Variants in OTOGL observed in about 807,000 individuals in gnomAD.
OTOGL encodes otogelin-like protein.
Under a neutral mutation model 318.5 loss-of-function variants are expected in OTOGL, and 285 were observed. That is an observed-to-expected ratio of 0.89 (90% CI 0.81 to 0.99). The LOEUF is 0.99. Among genes scored for constraint, OTOGL ranks in the 50% least tolerant of loss-of-function variants. The pLI, the probability that OTOGL is intolerant of heterozygous loss-of-function variation, is 0.00. For missense variants in OTOGL, 2,899 were observed against 2,845.6 expected (o/e 1.02, Z -0.43); for synonymous variants, 987 against 936.5 (o/e 1.05, Z -0.99).
chr12:80,289,309 T>G (rs1884865080), intron 26 of OTOGL, among the ~76,000 whole-genome samples: 1 of 152,096 alleles, frequency 6.6e-6, no homozygotes, highest in Non-Finnish European at 1.5e-5. Context: ...CAGCCAGAGC[T>G]CTCCTGTATG....
intron 42 of OTOGL, among the ~76,000 whole-genome samples, chr12:80,337,671 T>C (rs1888500208): frequency 6.6e-6 from 1 of 150,834 alleles, no homozygotes; most frequent in Non-Finnish European, 1.5e-5. Flanking sequence ...TTATTCTCTG[T>C]AAAATATGAA....
At chr12:80,232,765 T>TTTGGA (rs1431429111) in intron 8 of OTOGL, 127 bp from the exon 9 acceptor site, 69 of 875,026 alleles carry the variant, frequency 7.9e-5, no homozygotes, top group Non-Finnish European at 1.0e-4. Context: ...GAGCTCTTGC[T>TTTGGA]GCACAGCTTA....
At chr12:80,351,436 C>T (rs1889543874) in intron 44 of OTOGL, among the ~76,000 whole-genome samples, 1 of 152,094 alleles carries the variant, frequency 6.6e-6, no homozygotes, top group Non-Finnish European at 1.5e-5. Context: ...CTGCCTCAGC[C>T]TCTGGAGTAG....
chr12:80,267,026 ACAC>A (rs991912247), intron 21 of OTOGL, among the ~76,000 whole-genome samples: 3 of 152,178 alleles, frequency 2.0e-5, no homozygotes, highest in Admixed American at 1.3e-4. Flanking sequence ...GACTAAAACA[ACAC>A]AGTTTGTGAG....
intron 1 of OTOGL, among the ~76,000 whole-genome samples, chr12:80,118,656 G>A (rs538243050): frequency 5.9e-5 from 9 of 152,062 alleles, no homozygotes; most frequent in Non-Finnish European, 1.2e-4. Context: ...GCTTTATTTG[G>A]GTGGAGTTTT....
At chr12:80,291,124 G>T (rs540358661) in intron 26 of OTOGL, among the ~76,000 whole-genome samples, 2 of 152,194 alleles carry the variant, frequency 1.3e-5, no homozygotes, top group Non-Finnish European at 2.9e-5. Context: ...CTGAGTCCTG[G>T]CAAGAGGAAA....
At chr12:80,339,418 G>A (rs1485694545) in intron 43 of OTOGL, among the ~76,000 whole-genome samples, 154 bp downstream of exon 43, 2 of 144,740 alleles carry the variant, frequency 1.4e-5, no homozygotes, top group Non-Finnish European at 3.0e-5. Flanking sequence ...ACGGAAGGAA[G>A]CAATGATTTT....
intron 46 of OTOGL, among the ~76,000 whole-genome samples, chr12:80,353,985 T>C (rs537367527): frequency 3.2e-4 from 48 of 152,190 alleles, no homozygotes; most frequent in Non-Finnish European, 6.5e-4. Context: ...TACTATTATC[T>C]GGGTACTATG....
At chr12:80,150,501 G>A (rs1872720217) in intron 1 of OTOGL, among the ~76,000 whole-genome samples, 1 of 152,234 alleles carries the variant, frequency 6.6e-6, no homozygotes, top group African/African-American at 2.4e-5. Flanking sequence ...TCTAGGCAGT[G>A]AGCGATGGAC....
At chr12:80,308,677 A>G (rs1886408027) in intron 29 of OTOGL, among the ~76,000 whole-genome samples, 1 of 152,208 alleles carries the variant, frequency 6.6e-6, no homozygotes, top group African/African-American at 2.4e-5. Flanking sequence ...CCTGGGCACC[A>G]TTGAGCACTG....
At chr12:80,229,518 A>G (rs1879179175) in intron 8 of OTOGL, 140 bp downstream of exon 8, 1 of 1,211,576 alleles carries the variant, frequency 8.3e-7, no homozygotes, top group Non-Finnish European at 1.1e-6. Flanking sequence ...ACATACAGAC[A>G]TCAAAACTTC....
rs774113774 is a variant in OTOGL, at chr12:80,336,024, A to G, written c.4484A>G (p.Gln1495Arg). The change falls in exon 39 of 59, where the codon CAG becomes CGG. Residue 1495 changes from glutamine (Q) to arginine (R), a missense_variant. Physicochemically the swap from Gln to Arg is conservative, Grantham distance 43. Around this residue, in one of 3 missense-constraint regions of OTOGL, gnomAD observed 2,607 missense variants for 2,524.9 expected, o/e 1.03. Coordinates refer to ENST00000547103, the MANE Select transcript of OTOGL (RefSeq NM_001378609.3). ...TACATATGCCTTAATATGGAATGGC[A>G]GTTATACAACTGGTCCCTTAATTGC... The part of the protein sequence containing the change: ...SQYICLNMEW[Q>R]LYNWSLNCPK... 1.9e-6 allele frequency: 3 copies of G among 1,598,620 alleles called. No individual in the cohort carries two copies. The highest frequency in any genetic ancestry group is 2.5e-6 in the Non-Finnish European group (3 of 1,179,336).
intron 26 of OTOGL, among the ~76,000 whole-genome samples, chr12:80,295,228 G>A (rs1375304002): frequency 2.1e-5 from 3 of 144,510 alleles, no homozygotes; most frequent in African/African-American, 8.0e-5. Flanking sequence ...GAGTGCTGGA[G>A]TGCAGTGGCG....
intron 1 of OTOGL, among the ~76,000 whole-genome samples, chr12:80,172,548 A>G (rs2137220494): frequency 6.6e-6 from 1 of 152,020 alleles, no homozygotes; most frequent in South Asian, 2.1e-4. Context: ...GGGGAAGAGC[A>G]TCGGGATTGC....
intron 1 of OTOGL, among the ~76,000 whole-genome samples, chr12:80,136,658 C>A (rs1871590272): frequency 6.6e-6 from 1 of 152,124 alleles, no homozygotes; most frequent in Non-Finnish European, 1.5e-5. Flanking sequence ...CTCTAGGCAG[C>A]TGTGAACAAC....
intron 24 of OTOGL, among the ~76,000 whole-genome samples, chr12:80,274,317 A>G (rs1011837313): frequency 6.6e-6 from 1 of 152,072 alleles, no homozygotes; most frequent in Non-Finnish European, 1.5e-5. Context: ...AAAGCAAAGC[A>G]GCTAGCTGTT....
Position 80,256,360 on chromosome 12 carries a change from G to A in OTOGL, c.1611G>A (p.Gln537=). Residue 537 remains glutamine (Q), a synonymous_variant, in exon 17 of 59, where the codon CAG becomes CAA. Transcript: ENST00000547103. The stretch of plus-strand genomic sequence containing the variant: ...AGAATCTTGGCTTGGTCTGCCTTCA[G>A]TCTATAACTCTGATTCTGGAGGATG... ...CEQNLGLVCL[Q]SITLILEDDF... is the part of the protein sequence containing the mutation. The A allele has an allele frequency of 1.3e-6, 2 of 1,596,044 alleles. No homozygotes were observed. The highest frequency in any genetic ancestry group is 2.2e-5 in the South Asian group (2 of 90,748).
chr12:80,350,973 C>T (rs1471154141), intron 44 of OTOGL, among the ~76,000 whole-genome samples: 1 of 151,718 alleles, frequency 6.6e-6, no homozygotes, highest in Non-Finnish European at 1.5e-5. Flanking sequence ...CAGAAAATTA[C>T]TGCTCAAACC....
chr12:80,255,036 G>A lies in OTOGL; in HGVS notation c.1442-4G>A, dbSNP rs79443361. On this transcript the variant is annotated splice_region_variant and splice_polypyrimidine_tract_variant and intron_variant, in intron 15 of 58. Coordinates refer to ENST00000547103, the MANE Select transcript of OTOGL (RefSeq NM_001378609.3). ...TTTCTTTGTTTTCTTTTTTTTTTTG[G>A]CAGTTCAATGCTCAGTTGTAGGTGA... 1 of 1,391,600 alleles carries A rather than the reference G, an allele frequency of 7.2e-7. No homozygotes were observed. Among genetic ancestry groups the A allele is most frequent in the Non-Finnish European group, 9.3e-7 (1 of 1,072,146 alleles). The allele number at this position is 1,391,600 out of a possible 1,614,324, so 86.2% of individuals were successfully genotyped here. A position where few individuals can be genotyped will look rare whatever the true frequency, so the allele number is the denominator to read the frequency against.
Sources: allele counts gnomAD v4.1 joint callset (sites outside exome capture counted in the v4.1 genomes callset), GRCh38; gene constraint gnomAD v4.1.1; regional missense constraint gnomAD v4.1.1; transcripts MANE v1.5; gene names NCBI Gene and HGNC (gene_info 2026-07-23, HGNC 2026-07-21).